Variants in PDE4D observed in about 807,000 individuals in gnomAD.
PDE4D encodes the protein 3',5'-cyclic-AMP phosphodiesterase 4D.
In PDE4D, 24 loss-of-function variants were observed where a neutral mutation model predicts 87.4. That is an observed-to-expected ratio of 0.27 (90% CI 0.20 to 0.39). PDE4D has a LOEUF of 0.39. Among genes scored for constraint, PDE4D ranks in the 10% least tolerant of loss-of-function variants. The pLI, the probability that PDE4D is intolerant of heterozygous loss-of-function variation, is 1.00. For missense variants in PDE4D, 714 were observed against 1,041.0 expected, an observed-to-expected ratio of 0.69 and a Z score of 4.32; for synonymous variants, 384 against 383.2, an observed-to-expected ratio of 1.00 and a Z score of -0.02.
chr5:60,101,967 G>C (rs1352524056), intron 2 of PDE4D, among the ~76,000 whole-genome samples: 2 of 152,150 alleles, frequency 1.3e-5, no homozygotes, highest in Admixed American at 6.5e-5. Context: ...AAGTATGAAA[G>C]TAAATAATTC....
chr5:60,055,160 A>G (rs1484051380), intron 2 of PDE4D, among the ~76,000 whole-genome samples: 11 of 152,136 alleles, frequency 7.2e-5, no homozygotes, highest in African/African-American at 2.4e-4. Context: ...ACCAGACAAT[A>G]TATCTTTTGA....
At chr5:59,480,543 C>T (rs1452937550) in intron 1 of PDE4D, among the ~76,000 whole-genome samples, 2 of 152,110 alleles carry the variant, frequency 1.3e-5, no homozygotes, top group Admixed American at 6.6e-5. Context: ...CCTTCATTCA[C>T]GATGGGCACT....
intron 1 of PDE4D, among the ~76,000 whole-genome samples, chr5:59,380,231 C>T (rs897284043): frequency 2.7e-5 from 4 of 150,844 alleles, no homozygotes; most frequent in Non-Finnish European, 5.9e-5. Context: ...AAAAGATTGA[C>T]ACAACATAAT....
At chr5:59,954,146 A>T (rs1031059977) in intron 3 of PDE4D, among the ~76,000 whole-genome samples, 14 of 151,692 alleles carry the variant, frequency 9.2e-5, no homozygotes, top group African/African-American at 3.4e-4. Context: ...CTGGTCTTGA[A>T]CTCCTGACCT....
chr5:60,049,254 G>A (rs961851609), intron 2 of PDE4D, among the ~76,000 whole-genome samples: 2 of 152,058 alleles, frequency 1.3e-5, no homozygotes, highest in Non-Finnish European at 2.9e-5. Context: ...GGTTATTCTA[G>A]TTATACATTC....
chr5:60,100,294 A>C (rs1250368474), intron 2 of PDE4D, among the ~76,000 whole-genome samples: 1 of 152,090 alleles, frequency 6.6e-6, no homozygotes, highest in Non-Finnish European at 1.5e-5. Context: ...AATTTCTCAT[A>C]GATGGGGAAC....
intron 11 of PDE4D, among the ~76,000 whole-genome samples, chr5:58,984,212 T>C (rs1208732579): frequency 6.6e-6 from 1 of 152,268 alleles, no homozygotes; most frequent in African/African-American, 2.4e-5. Context: ...TTTAACTTAA[T>C]ATTCAGTTGT....
chr5:59,810,285 A>G (rs1373764295), intron 1 of PDE4D, among the ~76,000 whole-genome samples: 1 of 152,212 alleles, frequency 6.6e-6, no homozygotes, highest in Non-Finnish European at 1.5e-5. Context: ...TTCATTATGT[A>G]CAAGAGCAAT....
intron 1 of PDE4D, among the ~76,000 whole-genome samples, chr5:59,512,437 A>C (rs1315691427): frequency 6.6e-6 from 1 of 152,172 alleles, no homozygotes; most frequent in Admixed American, 6.5e-5. Flanking sequence ...GATATTTAGG[A>C]CATATTCCAG....
intron 1 of PDE4D, among the ~76,000 whole-genome samples, chr5:59,787,812 C>T (rs770773025): frequency 4.6e-5 from 7 of 152,146 alleles, no homozygotes; most frequent in African/African-American, 9.7e-5. Context: ...CTCACTACAA[C>T]GACCTTAGAG....
At chr5:59,339,699 A>G (rs1428291133) in intron 1 of PDE4D, among the ~76,000 whole-genome samples, 1 of 152,166 alleles carries the variant, frequency 6.6e-6, no homozygotes, top group Non-Finnish European at 1.5e-5. Flanking sequence ...CTGAATTCCT[A>G]TTACAGCTCA....
intron 2 of PDE4D, among the ~76,000 whole-genome samples, chr5:60,049,519 G>C (rs1286403696): frequency 2.0e-5 from 3 of 152,206 alleles, no homozygotes; most frequent in Admixed American, 6.5e-5. Context: ...GGTCTTTGAT[G>C]ATGGTGATGT....
At chr5:59,879,826 C>T (rs997199450) in intron 1 of PDE4D, among the ~76,000 whole-genome samples, 17 of 152,154 alleles carry the variant, frequency 1.1e-4, no homozygotes, top group East Asian at 3.9e-4. Flanking sequence ...CTGCAACCTC[C>T]GCTCCCCGGG....
chr5:59,051,961 T>TTC (rs1761615617), intron 5 of PDE4D, among the ~76,000 whole-genome samples: 4 of 152,206 alleles, frequency 2.6e-5, no homozygotes, highest in Non-Finnish European at 5.9e-5. Context: ...TTTCTCTCTT[T>TTC]TTCCCCCTGA....
At chr5:59,922,609 G>A (rs1452044875) in intron 3 of PDE4D, among the ~76,000 whole-genome samples, 1 of 152,054 alleles carries the variant, frequency 6.6e-6, no homozygotes, top group African/African-American at 2.4e-5. Flanking sequence ...GGACCAAAAG[G>A]GAACCTGCTG....
chr5:60,081,232 C>A (rs1773900271), intron 2 of PDE4D, among the ~76,000 whole-genome samples: 1 of 151,156 alleles, frequency 6.6e-6, no homozygotes, highest in Non-Finnish European at 1.5e-5. Context: ...GATATATATC[C>A]CTTTTATCAT....
intron 1 of PDE4D, among the ~76,000 whole-genome samples, chr5:59,888,579 C>A (rs2152751483): frequency 6.6e-6 from 1 of 152,094 alleles, no homozygotes; most frequent in African/African-American, 2.4e-5. Context: ...TTTAAATATC[C>A]TTAGTGTCCT....
intron 5 of PDE4D, among the ~76,000 whole-genome samples, chr5:59,067,546 T>C (rs1163001094): frequency 6.6e-6 from 1 of 152,224 alleles, no homozygotes; most frequent in Non-Finnish European, 1.5e-5. Flanking sequence ...AGGTTTCTGA[T>C]ACAGTTTTTG....
chr5:59,415,040 G>A (rs568018663), intron 1 of PDE4D, among the ~76,000 whole-genome samples: 1 of 152,314 alleles, frequency 6.6e-6, no homozygotes, highest in African/African-American at 2.4e-5. Flanking sequence ...GTGATGGCTA[G>A]AGTCTGGAGA....
Sources: allele counts gnomAD v4.1 joint callset (sites outside exome capture counted in the v4.1 genomes callset), GRCh38; gene constraint gnomAD v4.1.1; transcripts MANE v1.5; gene names NCBI Gene and HGNC (gene_info 2026-07-23, HGNC 2026-07-21).